ACYP2: variants seen among roughly 807,000 people sequenced by gnomAD.
ACYP2 encodes acylphosphatase-2.
A neutral mutation model predicts 11.2 loss-of-function variants in ACYP2; 12 were observed. The ratio of observed to expected loss-of-function variants is 1.08; its 90% CI spans 0.69 to 1.74. ACYP2 has a LOEUF of 1.74. Ranked by LOEUF, ACYP2 falls within the 40% of genes most tolerant of loss-of-function variation. The probability of loss-of-function intolerance (pLI) is 0.00; values close to 1 mark genes in which losing one functional copy is unlikely to be tolerated. For missense variants in ACYP2, 134 were observed against 101.9 expected (o/e 1.31, Z -1.35); for synonymous variants, 43 against 32.2 (o/e 1.33, Z -1.13).
intron 6 of ACYP2, among the ~76,000 whole-genome samples, chr2:54,271,721 C>G (rs1688313956): frequency 6.6e-6 from 1 of 152,012 alleles, no homozygotes; most frequent in Non-Finnish European, 1.5e-5. Context: ...GTGGTTTTTT[C>G]TGTGTCCCCT....
intron 4 of ACYP2, among the ~76,000 whole-genome samples, chr2:54,064,276 G>C (rs1438861501): frequency 6.6e-6 from 1 of 152,182 alleles, no homozygotes; most frequent in Non-Finnish European, 1.5e-5. Context: ...AGGTGGTTAG[G>C]TGTGGGTGCA....
At chr2:54,094,185 A>G (rs1678389450) in intron 4 of ACYP2, among the ~76,000 whole-genome samples, 1 of 151,992 alleles carries the variant, frequency 6.6e-6, no homozygotes, top group African/African-American at 2.4e-5. Context: ...AAAGAAAGGA[A>G]GATTTTGGTA....
In ACYP2 at chr2:53,973,724, C is replaced by T; in HGVS notation, c.-25C>T. On this transcript the variant is annotated 5_prime_UTR_variant, in exon 2 of 7. Coordinates refer to ENST00000607452, the MANE Select transcript of ACYP2 (RefSeq NM_001320586.2). ...GACTCCTTTTTCAGACTCAGCCTGCCTGCACCCAGGTGAAATAAACAGCCA... is the reference window on the plus strand; with the variant it reads ...GACTCCTTTTTCAGACTCAGCCTGCTTGCACCCAGGTGAAATAAACAGCCA... 3.2e-6 allele frequency: 1 copy of T among 309,252 alleles called. No homozygotes were observed. Among genetic ancestry groups the T allele is most frequent in the Non-Finnish European group, 5.9e-6 (1 of 169,698 alleles). 19.2% of individuals were successfully genotyped at this position (309,252 alleles called of 1,614,324 possible). A position where few individuals can be genotyped will look rare whatever the true frequency, so the allele number is the denominator to read the frequency against.
intron 2 of ACYP2, among the ~76,000 whole-genome samples, chr2:53,979,446 A>G (rs1231255308): frequency 6.6e-6 from 1 of 151,754 alleles, no homozygotes; most frequent in African/African-American, 2.4e-5. Context: ...AGCCAACATG[A>G]TGAAATCCCA....
intron 6 of ACYP2, among the ~76,000 whole-genome samples, chr2:54,228,599 A>G (rs1271200790): frequency 6.6e-6 from 1 of 152,194 alleles, no homozygotes; most frequent in Non-Finnish European, 1.5e-5. Context: ...TTCATAATTC[A>G]TCAGTTGGTG....
intron 4 of ACYP2, among the ~76,000 whole-genome samples, chr2:54,082,124 T>G (rs1677688782): frequency 6.6e-6 from 1 of 152,192 alleles, no homozygotes; most frequent in Admixed American, 6.5e-5. Flanking sequence ...TCACAGTAAT[T>G]AGGAGAAGGG....
At chr2:54,085,663 G>T (rs1442729649) in intron 4 of ACYP2, among the ~76,000 whole-genome samples, 1 of 152,082 alleles carries the variant, frequency 6.6e-6, no homozygotes, top group Non-Finnish European at 1.5e-5. Flanking sequence ...AAGTTTCCAA[G>T]AACTTATTGA....
chr2:54,095,026 C>T (rs1322794876), intron 4 of ACYP2, among the ~76,000 whole-genome samples: 1 of 148,694 alleles, frequency 6.7e-6, no homozygotes, highest in Non-Finnish European at 1.5e-5. Context: ...AGGCAGAGGA[C>T]CCTGCGGCCT....
chr2:54,302,816 C>T (rs1689776857), intron 6 of ACYP2, among the ~76,000 whole-genome samples: 1 of 152,134 alleles, frequency 6.6e-6, no homozygotes, highest in Non-Finnish European at 1.5e-5. Flanking sequence ...ATCCTTCACT[C>T]CTCTCCTTTT....
At chr2:54,088,081 G>A (rs1678033411) in intron 4 of ACYP2, among the ~76,000 whole-genome samples, 1 of 152,178 alleles carries the variant, frequency 6.6e-6, no homozygotes, top group Non-Finnish European at 1.5e-5. Flanking sequence ...CTGCAGCTGG[G>A]AGTCTTTGTG....
At position 54,212,104 on chromosome 2, in the gene ACYP2, G is replaced by T. The variant is rs566898182; in HGVS notation, c.404+73356G>T. 3.3e-5 allele frequency among the ~76,000 whole-genome samples: 5 copies of T among 152,296 alleles called. No homozygotes were observed. In the South Asian group the frequency reaches 1.0e-3, roughly 32 times the overall value. On this transcript the variant is annotated intron_variant, in intron 6 of 6. Coordinates refer to ENST00000607452, the MANE Select transcript of ACYP2 (RefSeq NM_001320586.2). Reference sequence around the variant, plus strand: ...GTATACTAGTAGTGGTGATGGCGTGGCAGTGTTAGTTTTTTAGCAGAGGCA... The same window carrying T: ...GTATACTAGTAGTGGTGATGGCGTGTCAGTGTTAGTTTTTTAGCAGAGGCA...
At chr2:54,017,708 C>G (rs549630109) in intron 2 of ACYP2, among the ~76,000 whole-genome samples, 6 of 152,016 alleles carry the variant, frequency 3.9e-5, no homozygotes, top group African/African-American at 1.4e-4. Flanking sequence ...AATAGTATTC[C>G]TTTATCCCCA....
At chr2:54,297,340 A>C (rs901713180) in intron 6 of ACYP2, among the ~76,000 whole-genome samples, 18 of 152,036 alleles carry the variant, frequency 1.2e-4, no homozygotes, top group African/African-American at 3.6e-4. Flanking sequence ...CACACAAAAA[A>C]ATTTTTAATT....
chr2:54,165,857 A>C (rs947698166), intron 6 of ACYP2, among the ~76,000 whole-genome samples: 1 of 152,178 alleles, frequency 6.6e-6, no homozygotes, highest in Non-Finnish European at 1.5e-5. Flanking sequence ...ATTTTAAATC[A>C]ATGATTACCG....
At chr2:54,245,678 C>G (rs534502779) in intron 6 of ACYP2, among the ~76,000 whole-genome samples, 1 of 149,012 alleles carries the variant, frequency 6.7e-6, no homozygotes, top group Non-Finnish European at 1.5e-5. Flanking sequence ...TGAGAAATGT[C>G]TATTCAGATC....
intron 2 of ACYP2, among the ~76,000 whole-genome samples, chr2:54,024,621 A>C (rs1287239147): frequency 6.6e-6 from 1 of 152,236 alleles, no homozygotes; most frequent in Non-Finnish European, 1.5e-5. Flanking sequence ...ACAAACCCAC[A>C]GCCAACATTA....
intron 4 of ACYP2, among the ~76,000 whole-genome samples, chr2:54,089,559 G>T (rs1678113950): frequency 6.6e-6 from 1 of 151,800 alleles, no homozygotes; most frequent in Non-Finnish European, 1.5e-5. Flanking sequence ...GCAACATAGT[G>T]AGAACTTGTC....
intron 4 of ACYP2, among the ~76,000 whole-genome samples, chr2:54,108,347 G>A (rs1679279086): frequency 6.6e-6 from 1 of 152,306 alleles, no homozygotes; most frequent in South Asian, 2.1e-4. Context: ...CCAATCCACT[G>A]TTTCACCAAG....
At position 54,038,800 on chromosome 2, in the gene ACYP2, TAA is replaced by T. The variant is rs372376830; in HGVS notation, c.63-12142_63-12141del. On this transcript the variant is annotated intron_variant, in intron 2 of 6. Transcript: ENST00000607452. ...CTCACATTTTGGTTGTCAGAATAGG[TAA>T]AAAAAAAAAAAAAAAGATAAATAAA... Among the ~76,000 whole-genome samples, 641 of 104,366 alleles carry T rather than the reference TAA, an allele frequency of 6.1e-3. 10 individuals are homozygous for T. The highest frequency in any genetic ancestry group is 0.023 in the African/African-American group (608 of 26,664). 68.5% of individuals were successfully genotyped at this position (104,366 alleles called of 152,430 possible).
Sources: gnomAD v4.1 joint callset for allele counts (sites outside exome capture counted in the v4.1 genomes callset) on GRCh38, gnomAD v4.1.1 for gene constraint, MANE v1.5 for transcripts, NCBI Gene and HGNC (gene_info 2026-07-23, HGNC 2026-07-21) for gene names.